TMEM132D: variants seen among roughly 807,000 people sequenced by gnomAD.
The protein encoded by TMEM132D is transmembrane protein 132D.
Under a neutral mutation model 62.3 loss-of-function variants are expected in TMEM132D, and 21 were observed. The observed-to-expected ratio is 0.34, with a 90% CI of 0.24 to 0.49. The LOEUF (loss-of-function observed/expected upper bound fraction) is 0.49, where lower values mean the gene tolerates loss of function less well. TMEM132D is among the 20% of genes least tolerant of loss of function. TMEM132D has a pLI of 0.99. For synonymous variants in TMEM132D, 621 were observed against 575.6 expected, an observed-to-expected ratio of 1.08 and a Z score of -1.13; for missense variants, 1,346 against 1,402.8, an observed-to-expected ratio of 0.96 and a Z score of 0.65.
intron 1 of TMEM132D, among the ~76,000 whole-genome samples, chr12:129,834,010 G>A (rs1008680717): frequency 3.3e-5 from 5 of 152,156 alleles, no homozygotes; most frequent in Non-Finnish European, 7.4e-5. Flanking sequence ...AATCACTGAG[G>A]GGGTGTCATC....
At chr12:129,251,740 T>C (rs1052034087) in intron 4 of TMEM132D, among the ~76,000 whole-genome samples, 1 of 152,134 alleles carries the variant, frequency 6.6e-6, no homozygotes, top group Non-Finnish European at 1.5e-5. Context: ...TGGTCATGTG[T>C]CTAAGAATGG....
At chr12:129,767,041 G>A (rs1870577521) in intron 1 of TMEM132D, among the ~76,000 whole-genome samples, 1 of 152,220 alleles carries the variant, frequency 6.6e-6, no homozygotes, top group African/African-American at 2.4e-5. Flanking sequence ...TGCCCGTGGA[G>A]TAGCCCTGCT....
At chr12:129,090,278 T>C (rs1182957548) in intron 5 of TMEM132D, among the ~76,000 whole-genome samples, 4 of 152,174 alleles carry the variant, frequency 2.6e-5, no homozygotes, top group Non-Finnish European at 5.9e-5. Flanking sequence ...TCTCCTTGCT[T>C]CAGGGGCCAG....
chr12:129,636,000 T>C (rs1251658313), intron 2 of TMEM132D, among the ~76,000 whole-genome samples: 2 of 152,218 alleles, frequency 1.3e-5, no homozygotes, highest in African/African-American at 4.8e-5. Flanking sequence ...TGATTTGCAC[T>C]TGGTTGAAAG....
At chr12:129,701,274 C>T (rs572520729) in intron 1 of TMEM132D, among the ~76,000 whole-genome samples, 6 of 152,320 alleles carry the variant, frequency 3.9e-5, no homozygotes, top group South Asian at 2.1e-4. Context: ...CAAAAATAGA[C>T]GCAGATGCAC....
intron 4 of TMEM132D, among the ~76,000 whole-genome samples, chr12:129,251,977 A>T (rs1378859713): frequency 6.6e-6 from 1 of 152,114 alleles, no homozygotes; most frequent in Non-Finnish European, 1.5e-5. Flanking sequence ...TGGAACACCC[A>T]CCCTATACTT....
chr12:129,161,816 G>T (rs776193270), intron 5 of TMEM132D, among the ~76,000 whole-genome samples: 3 of 152,150 alleles, frequency 2.0e-5, no homozygotes, highest in African/African-American at 7.2e-5. Flanking sequence ...CATTGAAAAC[G>T]CTGTAGTCTT....
At chr12:129,785,238 C>T (rs1871220377) in intron 1 of TMEM132D, among the ~76,000 whole-genome samples, 1 of 152,104 alleles carries the variant, frequency 6.6e-6, no homozygotes, top group Non-Finnish European at 1.5e-5. Context: ...AGCTCCCAGC[C>T]AGGTTGGTCA....
chr12:129,431,976 A>T (rs1343619019), intron 3 of TMEM132D, among the ~76,000 whole-genome samples: 1 of 152,208 alleles, frequency 6.6e-6, no homozygotes, highest in Admixed American at 6.5e-5. Flanking sequence ...CTCTGCTCAG[A>T]TGTTGCAACG....
At chr12:129,140,577 G>A (rs956031348) in intron 5 of TMEM132D, among the ~76,000 whole-genome samples, 1 of 152,138 alleles carries the variant, frequency 6.6e-6, no homozygotes, top group African/African-American at 2.4e-5. Context: ...GGTGGCTCCT[G>A]CCTGTAATCC....
chr12:129,202,430 G>A lies in TMEM132D; in HGVS notation c.1443+7090C>T, dbSNP rs1453293056. Among the ~76,000 whole-genome samples the A allele has an allele frequency of 3.9e-5, 6 of 152,128 alleles. No homozygotes were observed. The East Asian group carries it at 7.7e-4, about 20-fold the overall frequency. On this transcript the variant is annotated intron_variant, in intron 5 of 8. Transcript: ENST00000422113. Reference sequence around the variant, plus strand: ...GGTTTTGATTTTTAAGTTGTGCATCGGGCTTTGAGGCTTATTGGTGGATGT... The same window carrying A: ...GGTTTTGATTTTTAAGTTGTGCATCAGGCTTTGAGGCTTATTGGTGGATGT...
At chr12:129,707,421 C>A (rs1457448245) in intron 1 of TMEM132D, among the ~76,000 whole-genome samples, 3 of 151,788 alleles carry the variant, frequency 2.0e-5, no homozygotes, top group Non-Finnish European at 2.9e-5. Flanking sequence ...TTGTGTAATT[C>A]TAGAAAGCAA....
intron 3 of TMEM132D, among the ~76,000 whole-genome samples, chr12:129,391,348 C>T (rs991051750): frequency 1.3e-5 from 2 of 152,160 alleles, no homozygotes; most frequent in Non-Finnish European, 2.9e-5. Context: ...GAGAAAGAGA[C>T]ACATGGAATA....
chr12:129,147,892 C>T lies in TMEM132D; in HGVS notation c.1443+61628G>A, dbSNP rs117653279. 2.2e-3 allele frequency among the ~76,000 whole-genome samples: 339 copies of T among 152,300 alleles called. 1 individual carries two copies. The highest frequency in any genetic ancestry group is 4.0e-3 in the Non-Finnish European group (271 of 68,034). ...CCACCTTGGGTTTAGCATGAACTGACGAATCTGGCCTAAACCAACTTTCGT... is the reference window on the plus strand; with the variant it reads ...CCACCTTGGGTTTAGCATGAACTGATGAATCTGGCCTAAACCAACTTTCGT... On this transcript the variant is annotated intron_variant, in intron 5 of 8. Transcript: ENST00000422113.
intron 2 of TMEM132D, among the ~76,000 whole-genome samples, chr12:129,659,118 T>A (rs1565939694): frequency 6.6e-6 from 1 of 152,062 alleles, no homozygotes. Context: ...CGTCATGTTG[T>A]CCAGGCTGAT....
At chr12:129,712,010 A>G (rs1478369476) in intron 1 of TMEM132D, among the ~76,000 whole-genome samples, 1 of 151,968 alleles carries the variant, frequency 6.6e-6, no homozygotes, top group Non-Finnish European at 1.5e-5. Context: ...GAAAGTCTCC[A>G]GTACATCCTC....
rs879019966 is a variant in TMEM132D at position 129,127,939 on chromosome 12, T to C, written c.1444-43237A>G. The stretch of plus-strand genomic sequence containing the variant: ...TTCTTGCTACGCCCTGAGGCTTCTG[T>C]GCAGCTGTCACATGGGTGCCTGGGG... On this transcript the variant is annotated intron_variant, in intron 5 of 8. Coordinates refer to ENST00000422113, the MANE Select transcript of TMEM132D (RefSeq NM_133448.3). 1.4e-4 allele frequency among the ~76,000 whole-genome samples: 22 copies of C among 152,232 alleles called. 1 individual carries two copies. Among genetic ancestry groups the C allele is most frequent in the Admixed American group, 3.3e-4 (5 of 15,290 alleles).
chr12:129,426,648 C>T (rs562701525), intron 3 of TMEM132D, among the ~76,000 whole-genome samples: 1 of 152,220 alleles, frequency 6.6e-6, no homozygotes, highest in Non-Finnish European at 1.5e-5. Flanking sequence ...GCATAAGGTT[C>T]GAAATAATAA....
chr12:129,157,631 A>G (rs1328958081), intron 5 of TMEM132D, among the ~76,000 whole-genome samples: 3 of 152,252 alleles, frequency 2.0e-5, no homozygotes, highest in African/African-American at 7.2e-5. Context: ...CACAAATTAT[A>G]TAAAATTCCA....
Sources: allele counts gnomAD v4.1 joint callset (sites outside exome capture counted in the v4.1 genomes callset), GRCh38; gene constraint gnomAD v4.1.1; transcripts MANE v1.5; gene names NCBI Gene and HGNC (gene_info 2026-07-23, HGNC 2026-07-21).